Variants in CLMP observed in about 807,000 individuals in gnomAD.
CLMP encodes the protein CXADR-like membrane protein.
Under a neutral mutation model 45.2 loss-of-function variants are expected in CLMP, and 27 were observed. That is an observed-to-expected ratio of 0.60 (90% CI 0.44 to 0.82). The LOEUF is 0.82. Among genes scored for constraint, CLMP ranks in the 40% least tolerant of loss-of-function variants. The pLI, the probability that CLMP is intolerant of heterozygous loss-of-function variation, is 0.00. For missense variants in CLMP, 403 were observed against 448.4 expected (o/e 0.90, Z 0.91); for synonymous variants, 167 against 171.4 (o/e 0.97, Z 0.20).
intron 1 of CLMP, among the ~76,000 whole-genome samples, chr11:123,120,224 C>T (rs1414504465): frequency 6.6e-6 from 1 of 151,988 alleles, no homozygotes; most frequent in African/African-American, 2.4e-5. Context: ...AGATTGAGAC[C>T]AACCTGGGCA....
At chr11:123,190,818 A>T (rs1861898067) in intron 1 of CLMP, among the ~76,000 whole-genome samples, 1 of 152,228 alleles carries the variant, frequency 6.6e-6, no homozygotes, top group South Asian at 2.1e-4. Context: ...TGTGATCTTG[A>T]AGCTTAAGTA....
chr11:123,150,416 T>TAAGAAAGAAAGAAAGAAAGAAAGAAAGA (rs1166159977), intron 1 of CLMP, among the ~76,000 whole-genome samples: 9 of 30,934 alleles, frequency 2.9e-4, no homozygotes, highest in East Asian at 1.3e-3. Context: ...GGAAGGAAGG[T>TAAGAAAGAAAGAAAGAAAGAAAGAAAGA]AAGAAAGAAA....
At chr11:123,157,722 C>CAAAAAAA (rs869197042) in intron 1 of CLMP, among the ~76,000 whole-genome samples, 5 of 71,188 alleles carry the variant, frequency 7.0e-5, no homozygotes, top group Admixed American at 1.7e-4. Flanking sequence ...GAGTGAAACT[C>CAAAAAAA]AAAAAAAAAA....
intron 1 of CLMP, among the ~76,000 whole-genome samples, chr11:123,145,303 G>A (rs925513678): frequency 1.3e-5 from 2 of 151,912 alleles, no homozygotes; most frequent in African/African-American, 4.8e-5. Context: ...GTCTGTTTTC[G>A]TGCCAACCTC....
At chr11:123,138,654 A>G (rs1861111508) in intron 1 of CLMP, among the ~76,000 whole-genome samples, 1 of 134,456 alleles carries the variant, frequency 7.4e-6, no homozygotes, top group Non-Finnish European at 1.6e-5. Flanking sequence ...GCTAAGAACA[A>G]TTCTTACTTA....
At chr11:123,105,482 G>T (rs1860530846) in intron 1 of CLMP, among the ~76,000 whole-genome samples, 1 of 150,936 alleles carries the variant, frequency 6.6e-6, no homozygotes, top group Admixed American at 6.6e-5. Flanking sequence ...CCAGGCTGGA[G>T]TGCAGTGGCA....
chr11:123,089,903 C>T (rs993516310), intron 2 of CLMP, among the ~76,000 whole-genome samples: 2 of 150,978 alleles, frequency 1.3e-5, no homozygotes, highest in Admixed American at 6.6e-5. Flanking sequence ...AGTTCGAGAC[C>T]AGCTTGACCA....
chr11:123,192,900 G>GT (rs1329351907), intron 1 of CLMP: 2 of 152,230 alleles, frequency 1.3e-5, no homozygotes, highest in African/African-American at 4.8e-5. Flanking sequence ...AACTTGCTGT[G>GT]TTTTCTTTCT....
intron 1 of CLMP, among the ~76,000 whole-genome samples, chr11:123,116,549 T>C (rs149159529): frequency 0.024 from 3,679 of 152,042 alleles, 156 homozygotes; most frequent in African/African-American, 0.083. Flanking sequence ...GCCTGGGCAA[T>C]AAGAGTGAAA....
chr11:123,082,959 A>G, intron 5 of CLMP, 126 bp downstream of exon 5: 29 of 1,164,050 alleles, frequency 2.5e-5, no homozygotes, highest in Non-Finnish European at 3.5e-5. Flanking sequence ...GGTGATAGCC[A>G]TATCCTTCTG....
At chr11:123,193,193 C>T (rs1198798132) in intron 1 of CLMP, 2 of 152,236 alleles carry the variant, frequency 1.3e-5, no homozygotes, top group East Asian at 1.9e-4. Flanking sequence ...AATTCCGTCT[C>T]CCCTAATTAT....
chr11:123,107,641 G>A (rs528273897), intron 1 of CLMP, among the ~76,000 whole-genome samples: 34 of 151,346 alleles, frequency 2.2e-4, no homozygotes, highest in Non-Finnish European at 4.7e-4. Context: ...GAAAGTGCTG[G>A]GATCACAGGC....
intron 1 of CLMP, among the ~76,000 whole-genome samples, chr11:123,172,505 A>C (rs1861649464): frequency 6.6e-6 from 1 of 152,102 alleles, no homozygotes; most frequent in Non-Finnish European, 1.5e-5. Flanking sequence ...TTTTTTAGAC[A>C]GGGCCTCTCT....
Position 123,074,730 on chromosome 11 carries a change from C to G in CLMP, c.793G>C (p.Glu265Gln), listed in dbSNP as rs202121099. Residue 265 changes from glutamate (E) to glutamine (Q), a missense_variant, in exon 6 of 7, where the codon GAG becomes CAG. By Grantham distance (29) the Glu-to-Gln change is conservative (BLOSUM62 2). Transcript: ENST00000448775. ...ATTTCATTAGGTCTCTCTTCTTCCT[C>G]ATATCTTTCTTTGTCTTTCCTTCGG... ...LIRRKDKERY[E>Q]EEERPNEIRE... 1.2e-6 allele frequency: 2 copies of G among 1,614,152 alleles called. No homozygotes were observed. Among genetic ancestry groups the G allele is most frequent in the Admixed American group, 3.3e-5 (2 of 59,994 alleles).
At chr11:123,162,162 T>C (rs985315223) in intron 1 of CLMP, among the ~76,000 whole-genome samples, 2 of 152,128 alleles carry the variant, frequency 1.3e-5, no homozygotes, top group Non-Finnish European at 2.9e-5. Flanking sequence ...ACAGAGCTCA[T>C]TTTAGAGTTG....
intron 1 of CLMP, among the ~76,000 whole-genome samples, chr11:123,121,731 T>A (rs79928501): frequency 6.6e-6 from 1 of 152,174 alleles, no homozygotes; most frequent in Non-Finnish European, 1.5e-5. Flanking sequence ...TTTAATAAAC[T>A]GGCTTATAAC....
At chr11:123,098,348 C>T (rs1257682658) in intron 1 of CLMP, among the ~76,000 whole-genome samples, 1 of 151,984 alleles carries the variant, frequency 6.6e-6, no homozygotes, top group Non-Finnish European at 1.5e-5. Flanking sequence ...CTGCCTTAGC[C>T]TCGTGAGTAG....
intron 1 of CLMP, among the ~76,000 whole-genome samples, chr11:123,137,829 T>C (rs1183287955): frequency 6.6e-6 from 1 of 152,072 alleles, no homozygotes; most frequent in African/African-American, 2.4e-5. Context: ...TGCTGGAGGT[T>C]TCAAGAGCAG....
At chr11:123,141,173 CTTTTTTTTTTTT>C (rs550888215) in intron 1 of CLMP, among the ~76,000 whole-genome samples, 9 of 80,842 alleles carry the variant, frequency 1.1e-4, no homozygotes, top group African/African-American at 5.0e-4. Flanking sequence ...TCAGGCATTC[CTTTTTTTTTTTT>C]TTTTTTTTTT....
Sources: allele counts gnomAD v4.1 joint callset (sites outside exome capture counted in the v4.1 genomes callset), GRCh38; gene constraint gnomAD v4.1.1; transcripts MANE v1.5; gene names NCBI Gene and HGNC (gene_info 2026-07-23, HGNC 2026-07-21).